Variants in SEC14L5 observed in about 807,000 individuals in gnomAD.
The protein encoded by SEC14L5 is SEC14 like lipid binding 5.
In SEC14L5, 96 loss-of-function variants were observed where a neutral mutation model predicts 84.6. That is an observed-to-expected ratio of 1.13 (90% CI 0.96 to 1.34). The LOEUF (loss-of-function observed/expected upper bound fraction) is 1.34, where lower values mean the gene tolerates loss of function less well. Ranked by LOEUF, SEC14L5 falls within the 40% of genes most tolerant of loss-of-function variation. The pLI, the probability that SEC14L5 is intolerant of heterozygous loss-of-function variation, is 0.00. For synonymous variants in SEC14L5, 546 were observed against 383.4 expected (o/e 1.42, Z -4.95); for missense variants, 1,224 against 942.5 (o/e 1.30, Z -3.91).
chr16:4,992,902 G>A (rs985171326), intron 6 of SEC14L5, among the ~76,000 whole-genome samples: 2 of 152,144 alleles, frequency 1.3e-5, no homozygotes, highest in African/African-American at 4.8e-5. Flanking sequence ...TTGAATACGT[G>A]AGAACATATA....
chr16:4,970,845 C>T (rs1183250896), intron 2 of SEC14L5, among the ~76,000 whole-genome samples: 5 of 152,120 alleles, frequency 3.3e-5, no homozygotes, highest in African/African-American at 7.2e-5. Flanking sequence ...TGCGGTGGCT[C>T]GTGCCTGTAA....
rs143593554 is a variant in SEC14L5, at chr16:5,006,433, C to G, written c.1437+385C>G. 3.9e-5 allele frequency among the ~76,000 whole-genome samples: 6 copies of G among 152,314 alleles called. No homozygotes were observed. In the East Asian group the frequency reaches 7.7e-4, roughly 20 times the overall value. On this transcript the variant is annotated intron_variant, in intron 12 of 15. Coordinates refer to ENST00000251170, the MANE Select transcript of SEC14L5 (RefSeq NM_014692.2). ...AGGTGACTCGAATGTATCTGCAGCT[C>G]TGGACCCTGGAGCTGGGACTAGCCT...
At chr16:5,006,171 G>A in intron 12 of SEC14L5, 123 bp downstream of exon 12, 1 of 964,950 alleles carries the variant, frequency 1.0e-6, no homozygotes, top group South Asian at 1.6e-5. Flanking sequence ...TGTGCACTCT[G>A]CCTAGGGCAG....
At chr16:5,001,555 A>T (rs545425116) in intron 10 of SEC14L5, among the ~76,000 whole-genome samples, 11 of 151,938 alleles carry the variant, frequency 7.2e-5, no homozygotes, top group Admixed American at 6.6e-4. Context: ...CACCACTCAC[A>T]GCCTGACTTT....
chr16:4,995,975 G>T (rs1210324982), intron 6 of SEC14L5, among the ~76,000 whole-genome samples: 3 of 152,170 alleles, frequency 2.0e-5, no homozygotes, highest in African/African-American at 7.2e-5. Context: ...CCTCACAGGG[G>T]TGTGGAGAGA....
At chr16:4,979,542 T>C (rs2142493327) in intron 2 of SEC14L5, among the ~76,000 whole-genome samples, 1 of 152,318 alleles carries the variant, frequency 6.6e-6, no homozygotes, top group South Asian at 2.1e-4. Context: ...ATTGTCCAAA[T>C]GTGTCCTTTT....
At chr16:5,013,917 TCCTGGCCTCAAGCGATCC>T (rs1567132019) in intron 15 of SEC14L5, among the ~76,000 whole-genome samples, 1 of 152,120 alleles carries the variant, frequency 6.6e-6, no homozygotes, top group African/African-American at 2.4e-5. Context: ...GGTCTCAAAC[TCCTGGCCTCAAGCGATCC>T]CCCTGCCTCA....
intron 2 of SEC14L5, among the ~76,000 whole-genome samples, chr16:4,981,822 G>A (rs1023903115): frequency 3.3e-5 from 5 of 152,186 alleles, no homozygotes; most frequent in African/African-American, 4.8e-5. Context: ...GGCTTGCCTC[G>A]CTGGAAGGAG....
At chr16:4,997,084 G>C in intron 8 of SEC14L5, 40 bp downstream of exon 8, 2 of 1,455,216 alleles carry the variant, frequency 1.4e-6, no homozygotes, top group Middle Eastern at 1.9e-4. Context: ...GGCATACTTT[G>C]GTCACTGCCA....
chr16:4,977,607 G>A (rs867483299), intron 2 of SEC14L5, among the ~76,000 whole-genome samples: 1 of 151,860 alleles, frequency 6.6e-6, no homozygotes, highest in African/African-American at 2.4e-5. Flanking sequence ...TGTAAATCAC[G>A]GAAAGTGGAT....
chr16:4,971,582 G>C (rs540484672), intron 2 of SEC14L5, among the ~76,000 whole-genome samples: 4 of 152,146 alleles, frequency 2.6e-5, no homozygotes, highest in Non-Finnish European at 5.9e-5. Flanking sequence ...GACAACTGAG[G>C]GGGAGTTACT....
intron 2 of SEC14L5, among the ~76,000 whole-genome samples, chr16:4,964,667 C>G (rs1955174531): frequency 6.6e-6 from 1 of 152,088 alleles, no homozygotes; most frequent in Non-Finnish European, 1.5e-5. Context: ...CACTCCCGAC[C>G]TCAGGTGATC....
intron 15 of SEC14L5, among the ~76,000 whole-genome samples, chr16:5,011,582 C>T (rs1321125310): frequency 1.3e-5 from 2 of 152,234 alleles, no homozygotes; most frequent in East Asian, 1.9e-4. Context: ...TGTGGGCTTC[C>T]CCTCACTCCT....
At chr16:4,987,450 C>A (rs1376443102) in intron 2 of SEC14L5, 107 bp from the exon 3 acceptor site, 4 of 963,294 alleles carry the variant, frequency 4.2e-6, no homozygotes, top group Non-Finnish European at 4.5e-6. Context: ...GTGGCCAGGG[C>A]TGCCTTTCCC....
chr16:4,982,156 C>T (rs1328772365), intron 2 of SEC14L5, among the ~76,000 whole-genome samples: 4 of 152,102 alleles, frequency 2.6e-5, no homozygotes, highest in Admixed American at 2.0e-4. Flanking sequence ...CTGGCCTTGC[C>T]CAGCCTGGGG....
At chr16:5,007,606 CTT>C (rs377374416) in intron 13 of SEC14L5, 120 bp downstream of exon 13, 39,628 of 547,890 alleles carry the variant, frequency 0.072, no homozygotes, top group South Asian at 0.079. Flanking sequence ...TTCTTTCTTT[CTT>C]TTTTTTTTTT....
rs1955903330 is a variant in SEC14L5, at chr16:5,018,911, G to A, written c.*3941G>A. ...CTCTTTGAGCCAGTGAAACACGATGGGTTTTTTTGTTTGCCTGATCACTTG... is the reference window on the plus strand; with the variant it reads ...CTCTTTGAGCCAGTGAAACACGATGAGTTTTTTTGTTTGCCTGATCACTTG... On this transcript the variant is annotated 3_prime_UTR_variant, in exon 16 of 16. Coordinates refer to ENST00000251170, the MANE Select transcript of SEC14L5 (RefSeq NM_014692.2). 6.6e-6 allele frequency: 1 copy of A among 152,136 alleles called. No homozygotes were observed. Among genetic ancestry groups the A allele is most frequent in the African/African-American group, 2.4e-5 (1 of 41,418 alleles). The allele number at this position is 152,136 out of a possible 1,614,324, so 9.4% of individuals were successfully genotyped here.
At chr16:5,008,823 C>T (rs117845101) in intron 14 of SEC14L5, among the ~76,000 whole-genome samples, 175 bp downstream of exon 14, 1 of 152,190 alleles carries the variant, frequency 6.6e-6, no homozygotes, top group Non-Finnish European at 1.5e-5. Context: ...GAAGTGCTCA[C>T]CTGCCCAATG....
chr16:4,974,410 C>T (rs952728138), intron 2 of SEC14L5, among the ~76,000 whole-genome samples: 2 of 151,456 alleles, frequency 1.3e-5, no homozygotes, highest in African/African-American at 4.9e-5. Flanking sequence ...TGCTATGTTG[C>T]CCAGGCTGGT....
Sources: allele counts gnomAD v4.1 joint callset (sites outside exome capture counted in the v4.1 genomes callset), GRCh38; gene constraint gnomAD v4.1.1; transcripts MANE v1.5; gene names NCBI Gene and HGNC (gene_info 2026-07-23, HGNC 2026-07-21).